The following AK5 variants were observed in gnomAD, a reference collection of about 807,000 sequenced individuals.
AK5 encodes adenylate kinase 5, also known as adenylate kinase isoenzyme 5.
A neutral mutation model predicts 69.5 loss-of-function variants in AK5; 27 were observed. That is an observed-to-expected ratio of 0.39 (90% CI 0.29 to 0.54). The LOEUF (loss-of-function observed/expected upper bound fraction) is 0.54. Ranked by LOEUF, AK5 falls within the 20% of genes least tolerant of loss-of-function variation. AK5 has a pLI of 0.71. For missense variants in AK5, 531 were observed against 700.4 expected (o/e 0.76, Z 2.73); for synonymous variants, 260 against 244.4 (o/e 1.06, Z -0.60).
chr1:77,389,877 A>G (rs984668152), intron 6 of AK5, among the ~76,000 whole-genome samples: 3 of 152,040 alleles, frequency 2.0e-5, no homozygotes, highest in Non-Finnish European at 2.9e-5. Context: ...TGGGAGGTTC[A>G]CTTGAGCCCA....
At chr1:77,452,246 T>C (rs1653202896) in intron 8 of AK5, among the ~76,000 whole-genome samples, 1 of 152,230 alleles carries the variant, frequency 6.6e-6, no homozygotes, top group South Asian at 2.1e-4. Flanking sequence ...TATGTATGTC[T>C]TACTTAATTT....
At chr1:77,550,966 C>T (rs1227780277) in intron 13 of AK5, among the ~76,000 whole-genome samples, 1 of 152,200 alleles carries the variant, frequency 6.6e-6, no homozygotes, top group Non-Finnish European at 1.5e-5. Flanking sequence ...CACCTGAGGT[C>T]AGGAGTTTGA....
At chr1:77,404,486 A>T (rs1446831629) in intron 6 of AK5, among the ~76,000 whole-genome samples, 1 of 152,132 alleles carries the variant, frequency 6.6e-6, no homozygotes, top group East Asian at 1.9e-4. Context: ...TTCACCATAC[A>T]CACAACCTCT....
chr1:77,425,932 A>G (rs1651179154), intron 8 of AK5, among the ~76,000 whole-genome samples: 1 of 152,198 alleles, frequency 6.6e-6, no homozygotes, highest in Non-Finnish European at 1.5e-5. Context: ...GCAAATGTTT[A>G]TTGCAAATTT....
intron 12 of AK5, chr1:77,532,004 G>T (rs1204998013): frequency 6.6e-6 from 1 of 150,806 alleles, no homozygotes; most frequent in African/African-American, 2.4e-5. Context: ...CCGGCCGGCC[G>T]GCCGCTCCGA....
chr1:77,437,379 T>C (rs1308940138), intron 8 of AK5, among the ~76,000 whole-genome samples: 1 of 152,120 alleles, frequency 6.6e-6, no homozygotes, highest in Admixed American at 6.5e-5. Flanking sequence ...CATTTTGAAA[T>C]GTTAATCATG....
chr1:77,526,772 CCAAGT>C (rs1658316198), intron 12 of AK5, among the ~76,000 whole-genome samples: 1 of 151,274 alleles, frequency 6.6e-6, no homozygotes, highest in Admixed American at 6.6e-5. Context: ...CCTCGCCTGG[CCAAGT>C]CTTTTTTTTT....
chr1:77,353,288 G>A (rs1662312568), intron 6 of AK5, among the ~76,000 whole-genome samples: 1 of 152,074 alleles, frequency 6.6e-6, no homozygotes, highest in African/African-American at 2.4e-5. Flanking sequence ...GACCAGCCTA[G>A]CCAACATGGT....
intron 8 of AK5, among the ~76,000 whole-genome samples, chr1:77,471,886 G>A (rs1221282418): frequency 1.3e-5 from 2 of 152,156 alleles, no homozygotes; most frequent in African/African-American, 2.4e-5. Context: ...CTTGTACAGC[G>A]GCCAGATTCT....
At chr1:77,398,912 A>G (rs980448313) in intron 6 of AK5, among the ~76,000 whole-genome samples, 1 of 152,026 alleles carries the variant, frequency 6.6e-6, no homozygotes, top group Non-Finnish European at 1.5e-5. Flanking sequence ...TATGGATCTC[A>G]AGAGATATTC....
chr1:77,286,211 T>C (rs1209289039), intron 1 of AK5, among the ~76,000 whole-genome samples: 1 of 151,940 alleles, frequency 6.6e-6, no homozygotes, highest in Non-Finnish European at 1.5e-5. Context: ...AAAAACTCTA[T>C]GAGGTATTTA....
intron 8 of AK5, among the ~76,000 whole-genome samples, chr1:77,463,609 A>C (rs1196541394): frequency 6.6e-6 from 1 of 151,148 alleles, no homozygotes; most frequent in Non-Finnish European, 1.5e-5. Context: ...AAACCTATGG[A>C]GTCCTCTCAA....
intron 5 of AK5, among the ~76,000 whole-genome samples, chr1:77,312,879 G>A (rs1325035935): frequency 6.6e-6 from 1 of 151,992 alleles, no homozygotes; most frequent in Non-Finnish European, 1.5e-5. Context: ...TCACTTCCAT[G>A]TGATTTTCAT....
intron 8 of AK5, among the ~76,000 whole-genome samples, chr1:77,471,456 G>T (rs940405128): frequency 2.0e-5 from 3 of 152,198 alleles, no homozygotes; most frequent in African/African-American, 4.8e-5. Context: ...GCACTGACAT[G>T]CTTTCTAAAT....
Position 77,361,817 on chromosome 1 carries a change from G to A in AK5, c.891+21249G>A, listed in dbSNP as rs190857553. Among the ~76,000 whole-genome samples, 822 of 152,174 alleles carry A rather than the reference G, an allele frequency of 5.4e-3. 9 individuals are homozygous for A. Among genetic ancestry groups the A allele is most frequent in the Non-Finnish European group, 8.3e-3 (564 of 68,004 alleles). ...ACTCATTCGCTATGACAAGAACAGC[G>A]CAGGAAAGACATCCTCACCCCCGCC... On this transcript the variant is annotated intron_variant, in intron 6 of 13. Coordinates refer to ENST00000354567, the MANE Select transcript of AK5 (RefSeq NM_174858.3).
At chr1:77,372,582 C>G (rs1647139967) in intron 6 of AK5, among the ~76,000 whole-genome samples, 1 of 152,120 alleles carries the variant, frequency 6.6e-6, no homozygotes, top group African/African-American at 2.4e-5. Context: ...TCCTAATGAG[C>G]TTCTAAACCT....
intron 6 of AK5, among the ~76,000 whole-genome samples, chr1:77,368,254 A>ATATGT (rs1557535641): frequency 5.2e-4 from 19 of 36,616 alleles, no homozygotes; most frequent in Admixed American, 4.0e-3. Context: ...TATATATATA[A>ATATGT]TATATATGTT....
chr1:77,529,440 T>A (rs1658460884), intron 12 of AK5, among the ~76,000 whole-genome samples: 1 of 151,842 alleles, frequency 6.6e-6, no homozygotes, highest in African/African-American at 2.4e-5. Flanking sequence ...CTCAAGTGAT[T>A]CTCCTGCCTC....
intron 5 of AK5, among the ~76,000 whole-genome samples, chr1:77,305,535 G>GT (rs1165522951): frequency 6.6e-6 from 1 of 152,152 alleles, no homozygotes; most frequent in Non-Finnish European, 1.5e-5. Flanking sequence ...TAAGGGTCTA[G>GT]TTTTATTTTT....
Sources: allele counts gnomAD v4.1 joint callset (sites outside exome capture counted in the v4.1 genomes callset), GRCh38; gene constraint gnomAD v4.1.1; transcripts MANE v1.5; gene names NCBI Gene and HGNC (gene_info 2026-07-23, HGNC 2026-07-21).